The following FIGN variants were observed in gnomAD, a reference collection of about 807,000 sequenced individuals.
The protein encoded by FIGN is fidgetin.
FIGN carries 11 observed loss-of-function variants against 51.3 expected under a neutral mutation model. The observed-to-expected ratio is 0.21, with a 90% CI of 0.13 to 0.35. The LOEUF (loss-of-function observed/expected upper bound fraction) is 0.35. Among genes scored for constraint, FIGN ranks in the 10% least tolerant of loss-of-function variants. The probability of loss-of-function intolerance (pLI) is 1.00; values close to 1 mark genes in which losing one functional copy is unlikely to be tolerated. For missense variants in FIGN, 857 were observed against 943.6 expected (o/e 0.91, Z 1.20); for synonymous variants, 407 against 363.2 (o/e 1.12, Z -1.37).
At chr2:163,666,664 A>C (rs986867909) in intron 2 of FIGN, among the ~76,000 whole-genome samples, 3 of 152,178 alleles carry the variant, frequency 2.0e-5, no homozygotes, top group African/African-American at 7.2e-5. Context: ...TACATGGTTA[A>C]TGACCCAGTG....
chr2:163,636,348 C>T (rs148973042), intron 2 of FIGN, among the ~76,000 whole-genome samples: 450 of 152,228 alleles, frequency 3.0e-3, no homozygotes, highest in Middle Eastern at 0.017. Context: ...TGCAACGGTG[C>T]GATCTTGGCT....
At chr2:163,627,017 CT>C (rs1683064691) in intron 2 of FIGN, among the ~76,000 whole-genome samples, 1 of 152,168 alleles carries the variant, frequency 6.6e-6, no homozygotes, top group Admixed American at 6.6e-5. Flanking sequence ...ACTGCCCACC[CT>C]TTCCCAGAAA....
rs985841562 is a variant in FIGN at position 163,664,067 on chromosome 2, G to A, written c.26-52261C>T. ...CTCTATACTCATCCTGAAAATGGGTGTAATTGTAGGTATGTGTGTGTCTAT... is the reference window on the plus strand; with the variant it reads ...CTCTATACTCATCCTGAAAATGGGTATAATTGTAGGTATGTGTGTGTCTAT... On this transcript the variant is annotated intron_variant, in intron 2 of 2. Transcript: ENST00000333129. Among the ~76,000 whole-genome samples the A allele has an allele frequency of 3.3e-5, 5 of 152,230 alleles. No individual in the cohort carries two copies. In the East Asian group the frequency reaches 9.7e-4, roughly 30 times the overall value.
chr2:163,722,277 A>G (rs921770366), intron 2 of FIGN, among the ~76,000 whole-genome samples: 5 of 152,254 alleles, frequency 3.3e-5, no homozygotes, highest in African/African-American at 1.2e-4. Context: ...TTTGCATCTC[A>G]CATTTTACCA....
intron 2 of FIGN, chr2:163,617,220 C>T: frequency 1.0e-6 from 1 of 984,894 alleles, no homozygotes; most frequent in South Asian, 4.7e-5. Context: ...GAGGAAGAAG[C>T]ACTGAAATTA....
chr2:163,732,308 T>G (rs1684943627), intron 2 of FIGN, among the ~76,000 whole-genome samples: 1 of 152,186 alleles, frequency 6.6e-6, no homozygotes, highest in African/African-American at 2.4e-5. Context: ...AAGCATGTTT[T>G]GGGACATGGT....
intron 2 of FIGN, among the ~76,000 whole-genome samples, chr2:163,660,473 TAATAATA>T (rs1683635663): frequency 6.6e-6 from 1 of 151,812 alleles, no homozygotes; most frequent in African/African-American, 2.4e-5. Flanking sequence ...ACATATCAAT[TAATAATA>T]CCTGCAACAT....
At chr2:163,729,716 C>T (rs1301848645) in intron 2 of FIGN, among the ~76,000 whole-genome samples, 1 of 152,140 alleles carries the variant, frequency 6.6e-6, no homozygotes, top group African/African-American at 2.4e-5. Context: ...TGATTGGAAG[C>T]AGTGATACTA....
At chr2:163,676,593 T>TA (rs955076403) in intron 2 of FIGN, among the ~76,000 whole-genome samples, 1 of 151,184 alleles carries the variant, frequency 6.6e-6, no homozygotes, top group African/African-American at 2.4e-5. Flanking sequence ...TGACCAAGAA[T>TA]ATTAAAATAA....
chr2:163,658,696 C>T (rs1265539619), intron 2 of FIGN, among the ~76,000 whole-genome samples: 4 of 152,098 alleles, frequency 2.6e-5, no homozygotes, highest in African/African-American at 7.2e-5. Context: ...TCACTCTCTC[C>T]GGCAAGAATG....
chr2:163,720,435 CA>C lies in FIGN; in HGVS notation c.25+14467del, dbSNP rs1481073307. 5.9e-5 allele frequency among the ~76,000 whole-genome samples: 9 copies of C among 152,260 alleles called. No homozygotes were observed. The East Asian group carries it at 1.7e-3, about 29-fold the overall frequency. The stretch of plus-strand genomic sequence containing the variant: ...ATTTGTGATTAGTTTCTATTCTAAT[CA>C]AAAGAGTCCATTAGAAAACATTCTT... On this transcript the variant is annotated intron_variant, in intron 2 of 2. Coordinates refer to ENST00000333129, the MANE Select transcript of FIGN (RefSeq NM_018086.4).
intron 2 of FIGN, chr2:163,617,201 G>A (rs1213309709): frequency 2.0e-6 from 2 of 984,856 alleles, no homozygotes; most frequent in Non-Finnish European, 2.4e-6. Flanking sequence ...AACAGAAAGG[G>A]AAAAAAGTGA....
chr2:163,629,139 T>C (rs1044736339), intron 2 of FIGN, among the ~76,000 whole-genome samples: 1 of 152,018 alleles, frequency 6.6e-6, no homozygotes, highest in Non-Finnish European at 1.5e-5. Context: ...TAGAATGAGA[T>C]AAGAATAAAA....
At chr2:163,730,233 G>C (rs2105368778) in intron 2 of FIGN, among the ~76,000 whole-genome samples, 1 of 152,194 alleles carries the variant, frequency 6.6e-6, no homozygotes. Context: ...ATTTCTGAAA[G>C]AAAATTGCCA....
At chr2:163,700,858 T>C (rs1180935043) in intron 2 of FIGN, among the ~76,000 whole-genome samples, 1 of 152,132 alleles carries the variant, frequency 6.6e-6, no homozygotes, top group African/African-American at 2.4e-5. Flanking sequence ...ACAGCCATGA[T>C]AATCAATTAA....
intron 2 of FIGN, among the ~76,000 whole-genome samples, chr2:163,693,983 G>A (rs1684277091): frequency 6.6e-6 from 1 of 152,152 alleles, no homozygotes; most frequent in South Asian, 2.1e-4. Context: ...TCTTTTGAGA[G>A]CTGTAAACAA....
chr2:163,690,849 G>T (rs1684229355), intron 2 of FIGN, among the ~76,000 whole-genome samples: 1 of 152,090 alleles, frequency 6.6e-6, no homozygotes, highest in Non-Finnish European at 1.5e-5. Flanking sequence ...TTGTGTGTGT[G>T]TGTTGGGGTG....
chr2:163,648,765 C>A (rs1367238126), intron 2 of FIGN, among the ~76,000 whole-genome samples: 1 of 152,194 alleles, frequency 6.6e-6, no homozygotes, highest in African/African-American at 2.4e-5. Flanking sequence ...CATCAGTGCT[C>A]CCATACCGTA....
intron 2 of FIGN, among the ~76,000 whole-genome samples, chr2:163,637,234 T>C (rs1257501649): frequency 6.6e-6 from 1 of 152,174 alleles, no homozygotes; most frequent in Admixed American, 6.5e-5. Flanking sequence ...AACTCAAAAC[T>C]AGCAATTGTT....
Sources: allele counts gnomAD v4.1 joint callset (sites outside exome capture counted in the v4.1 genomes callset), GRCh38; gene constraint gnomAD v4.1.1; transcripts MANE v1.5; gene names NCBI Gene and HGNC (gene_info 2026-07-23, HGNC 2026-07-21).